DEFB107B: variants seen among roughly 807,000 people sequenced by gnomAD.
DEFB107B encodes defensin beta 107B, also known as beta-defensin 107.
intron 1 of DEFB107B, among the ~76,000 whole-genome samples, chr8:7,508,204 C>A (rs1425216354): frequency 7.1e-6 from 1 of 141,394 alleles, no homozygotes; most frequent in Non-Finnish European, 1.5e-5. Flanking sequence ...TCAAAAATTT[C>A]TCCTTAATTT....
chr8:7,496,632 A>G (rs1180323587), intron 1 of DEFB107B, among the ~76,000 whole-genome samples: 7 of 48,150 alleles, frequency 1.5e-4, no homozygotes, highest in African/African-American at 5.6e-4. Flanking sequence ...TTAAAATGAA[A>G]AAAAAAAAAA....
intron 1 of DEFB107B, among the ~76,000 whole-genome samples, chr8:7,496,577 G>T (rs1248904546): frequency 6.7e-6 from 1 of 149,378 alleles, no homozygotes; most frequent in East Asian, 2.0e-4. Flanking sequence ...TGGGATTACA[G>T]GCATGAGCCA....
At chr8:7,496,376 T>A (rs1585539798) in intron 1 of DEFB107B, among the ~76,000 whole-genome samples, 1 of 98,268 alleles carries the variant, frequency 1.0e-5, no homozygotes. Flanking sequence ...CTTGGCTCAC[T>A]GCAAGCTCTG....
chr8:7,507,863 C>T (rs1811976978), intron 1 of DEFB107B, among the ~76,000 whole-genome samples: 1 of 145,968 alleles, frequency 6.9e-6, no homozygotes. Flanking sequence ...TTCATGTGTC[C>T]AGCTAAACCC....
intron 1 of DEFB107B, among the ~76,000 whole-genome samples, chr8:7,497,376 T>C (rs1307350670): frequency 2.6e-5 from 4 of 152,240 alleles, no homozygotes; most frequent in African/African-American, 9.7e-5. Context: ...TGAAACAGTT[T>C]TCACAAGTGC....
Position 7,502,848 on chromosome 8 carries a change from A to G in DEFB107B, c.71-6233A>G, listed in dbSNP as rs1271545807. Among the ~76,000 whole-genome samples the G allele has an allele frequency of 2.6e-4, 6 of 23,212 alleles. 3 individuals carry two copies. Among genetic ancestry groups the G allele is most frequent in the Non-Finnish European group, 7.2e-4 (4 of 5,586 alleles). The allele number at this position is 23,212 out of a possible 152,430, so 15.2% of individuals were successfully genotyped here. The stretch of plus-strand genomic sequence containing the variant: ...GAAATGTATAACAGTCAATTAATTT[A>G]TCTTTCGTTTCTGCAGCACATAAAA... On this transcript the variant is annotated intron_variant, in intron 1 of 1. Transcript: ENST00000355602.
chr8:7,508,081 A>ATGTGTGTGTG (rs72329447), intron 1 of DEFB107B, among the ~76,000 whole-genome samples: 29 of 43,012 alleles, frequency 6.7e-4, no homozygotes, highest in South Asian at 3.5e-3. Context: ...ATATATATAT[A>ATGTGTGTGTG]TATGTGTGTG....
chr8:7,502,531 G>C, intron 1 of DEFB107B, among the ~76,000 whole-genome samples: 1 of 21,926 alleles, frequency 4.6e-5, no homozygotes, highest in Middle Eastern at 0.011. Context: ...AATTTCTTTT[G>C]TTGCCTCTGG....
intron 1 of DEFB107B, among the ~76,000 whole-genome samples, chr8:7,497,564 T>C (rs1811801429): frequency 6.6e-6 from 1 of 152,142 alleles, no homozygotes. Context: ...AGTGACTCCA[T>C]GAAAGTCTCA....
chr8:7,496,510 C>T (rs62639793), intron 1 of DEFB107B, among the ~76,000 whole-genome samples: 2 of 151,914 alleles, frequency 1.3e-5, no homozygotes, highest in Non-Finnish European at 2.9e-5. Context: ...CCGTGTTAGC[C>T]AGGATGGTCT....
chr8:7,496,392 C>T (rs1811737317), intron 1 of DEFB107B, among the ~76,000 whole-genome samples: 2 of 130,590 alleles, frequency 1.5e-5, no homozygotes, highest in Non-Finnish European at 3.2e-5. Context: ...CTCTGCCTCC[C>T]AGGTTCATGC....
chr8:7,497,101 A>G (rs1811782187), intron 1 of DEFB107B, among the ~76,000 whole-genome samples: 1 of 146,224 alleles, frequency 6.8e-6, no homozygotes, highest in Non-Finnish European at 1.5e-5. Context: ...TTCTGTCCTC[A>G]GTAGTCCTAG....
chr8:7,497,256 T>C (rs1421991781), intron 1 of DEFB107B, among the ~76,000 whole-genome samples: 2 of 152,122 alleles, frequency 1.3e-5, no homozygotes, highest in East Asian at 1.9e-4. Context: ...CTATTCCTTC[T>C]ATGTTGTTCG....
chr8:7,496,486 G>A (rs1811744335), intron 1 of DEFB107B, among the ~76,000 whole-genome samples: 1 of 151,958 alleles, frequency 6.6e-6, no homozygotes, highest in African/African-American at 2.4e-5. Context: ...ATTTTTAGTA[G>A]AGACGGGGTT....
chr8:7,497,394 G>T (rs1457802030), intron 1 of DEFB107B, among the ~76,000 whole-genome samples: 1 of 152,196 alleles, frequency 6.6e-6, no homozygotes, highest in African/African-American at 2.4e-5. Flanking sequence ...TGCCATAAAA[G>T]ATGCAAATTA....
At chr8:7,496,290 C>CTTTTTTTTTTTTTTTTTTTTT (rs1171104972) in intron 1 of DEFB107B, among the ~76,000 whole-genome samples, 3 of 46,874 alleles carry the variant, frequency 6.4e-5, no homozygotes, top group Non-Finnish European at 7.4e-5. Context: ...TCAGCATATT[C>CTTTTTTTTTTTTTTTTTTTTT]TTTTTTTTTT....
intron 1 of DEFB107B, among the ~76,000 whole-genome samples, chr8:7,497,515 A>T (rs1811799439): frequency 6.6e-6 from 1 of 152,046 alleles, no homozygotes. Flanking sequence ...ACTAGAACTA[A>T]AGAACAGAGC....
At chr8:7,507,763 A>C (rs1811973984) in intron 1 of DEFB107B, among the ~76,000 whole-genome samples, 2 of 135,706 alleles carry the variant, frequency 1.5e-5, no homozygotes, top group African/African-American at 6.2e-5. Context: ...GAAGCAGCTC[A>C]CATCATTCCA....
intron 1 of DEFB107B, among the ~76,000 whole-genome samples, chr8:7,496,290 CT>C (rs1171104972): frequency 0.014 from 632 of 46,776 alleles, no homozygotes; most frequent in Middle Eastern, 0.038. Flanking sequence ...TCAGCATATT[CT>C]TTTTTTTTTT....
Sources: gnomAD v4.1 joint callset for allele counts (sites outside exome capture counted in the v4.1 genomes callset) on GRCh38, gnomAD v4.1.1 for gene constraint, MANE v1.5 for transcripts, NCBI Gene and HGNC (gene_info 2026-07-23, HGNC 2026-07-21) for gene names.